The following METAP1D variants were observed in gnomAD, a reference collection of about 807,000 sequenced individuals.
METAP1D encodes methionine aminopeptidase 1D, mitochondrial.
In METAP1D, 31 loss-of-function variants were observed where a neutral mutation model predicts 40.5. The observed-to-expected ratio is 0.77, with a 90% confidence interval of 0.58 to 1.03. The LOEUF is 1.03. Among genes scored for constraint, METAP1D ranks in the 50% least tolerant of loss-of-function variants. METAP1D has a pLI of 0.00. For missense variants in METAP1D, 411 were observed against 420.7 expected (o/e 0.98, Z 0.20); for synonymous variants, 151 against 146.4 (o/e 1.03, Z -0.22).
At chr2:172,072,607 C>T (rs1439961189) in intron 6 of METAP1D, among the ~76,000 whole-genome samples, 3 of 152,088 alleles carry the variant, frequency 2.0e-5, no homozygotes, top group Non-Finnish European at 4.4e-5. Flanking sequence ...TGTTGTTCTC[C>T]CTGTCTCGCT....
chr2:172,034,406 TG>T (rs1271147429), intron 1 of METAP1D, among the ~76,000 whole-genome samples: 57 of 92,128 alleles, frequency 6.2e-4, no homozygotes, highest in African/African-American at 2.0e-3. Context: ...TCTCAGTTTT[TG>T]TGTGTGTGTG....
rs886302539 is a variant in METAP1D, at chr2:172,079,260, T to C, written c.848T>C (p.Ile283Thr). 2 of 1,614,092 alleles carry C rather than the reference T, an allele frequency of 1.2e-6. No individual in the cohort carries two copies. The highest frequency in any genetic ancestry group is 1.7e-6 in the Non-Finnish European group (2 of 1,179,982). ...ATGGAGGAGGGCATGGCATTCACTA[T>C]AGGTAAATTGAGCTCCTCTTCCGAG... ...LPMEEGMAFT[I>T]EPIITEGSPE... Residue 283 changes from isoleucine to threonine, a missense_variant and splice_region_variant, in exon 8 of 10, where the codon ATA becomes ACA. Transcript: ENST00000315796.
intron 1 of METAP1D, among the ~76,000 whole-genome samples, chr2:172,018,597 C>T (rs1688933161): frequency 6.6e-6 from 1 of 152,246 alleles, no homozygotes; most frequent in African/African-American, 2.4e-5. Flanking sequence ...GTAAAACACT[C>T]TCAAGAGAGA....
intron 1 of METAP1D, among the ~76,000 whole-genome samples, chr2:172,042,941 G>GT (rs1689636708): frequency 7.9e-6 from 1 of 126,912 alleles, no homozygotes; most frequent in Admixed American, 7.7e-5. Context: ...GTGTATACAC[G>GT]TATGCGTACC....
At chr2:172,019,941 A>C (rs1246137588) in intron 1 of METAP1D, among the ~76,000 whole-genome samples, 1 of 152,156 alleles carries the variant, frequency 6.6e-6, no homozygotes, top group Non-Finnish European at 1.5e-5. Flanking sequence ...AGACATGGGA[A>C]TCTGCATGTT....
At chr2:172,028,542 C>CTGTGTG (rs10529698) in intron 1 of METAP1D, among the ~76,000 whole-genome samples, 53 of 141,396 alleles carry the variant, frequency 3.7e-4, no homozygotes, top group East Asian at 6.2e-4. Flanking sequence ...GTATGTGTGT[C>CTGTGTG]TGTGTGTGTG....
chr2:172,051,583 T>A (rs1207479461), intron 1 of METAP1D, among the ~76,000 whole-genome samples: 1 of 152,180 alleles, frequency 6.6e-6, no homozygotes, highest in Non-Finnish European at 1.5e-5. Context: ...ACTTCCTGAT[T>A]AGGCCTTGGG....
intron 1 of METAP1D, among the ~76,000 whole-genome samples, chr2:172,059,485 C>G (rs1175698600): frequency 3.3e-5 from 5 of 152,158 alleles, no homozygotes; most frequent in Non-Finnish European, 7.4e-5. Flanking sequence ...TTCACAACTA[C>G]TCAGCTACCA....
intron 6 of METAP1D, 99 bp from the exon 7 acceptor site, chr2:172,077,698 T>C: frequency 1.7e-6 from 1 of 579,062 alleles, no homozygotes; most frequent in Non-Finnish European, 3.1e-6. Context: ...TTACTGACTT[T>C]TTCTTTTTCA....
chr2:172,042,973 G>T (rs587742160), intron 1 of METAP1D, among the ~76,000 whole-genome samples: 1 of 126,852 alleles, frequency 7.9e-6, no homozygotes, highest in Admixed American at 7.9e-5. Context: ...ATGCGTACAT[G>T]TGCATACATA....
chr2:172,065,386 C>T (rs1437552353), intron 3 of METAP1D, among the ~76,000 whole-genome samples: 1 of 152,156 alleles, frequency 6.6e-6, no homozygotes, highest in Non-Finnish European at 1.5e-5. Context: ...ATTTCTATTT[C>T]CTAATGGTCC....
rs1689420579 is a variant in METAP1D, at chr2:172,037,356, T to C, written c.41-24142T>C. ...TACAGAGACTCTTTCTGGTCATCGA[T>C]ATCTACTTGCTAAATTACGTCTTCC... is the stretch of plus-strand genomic sequence containing the variant. On this transcript the variant is annotated intron_variant, in intron 1 of 9. Coordinates refer to ENST00000315796, the MANE Select transcript of METAP1D (RefSeq NM_199227.3). 2.6e-5 allele frequency among the ~76,000 whole-genome samples: 4 copies of C among 152,082 alleles called. No individual in the cohort carries two copies. In the South Asian group the frequency reaches 8.3e-4, roughly 32 times the overall value.
intron 1 of METAP1D, among the ~76,000 whole-genome samples, chr2:172,045,697 ATATGTGTGTGTGTG>A (rs1314101747): frequency 1.5e-5 from 1 of 65,920 alleles, no homozygotes; most frequent in East Asian, 3.2e-4. Flanking sequence ...TCATTCATAT[ATATGTGTGTGTGTG>A]TGTGTGTGTG....
chr2:171,999,960 C>A lies in METAP1D; in HGVS notation c.-10C>A. The A allele has an allele frequency of 7.3e-7, 1 of 1,374,308 alleles. No homozygotes were observed. The highest frequency in any genetic ancestry group is 9.5e-7 in the Non-Finnish European group (1 of 1,055,628). 85.1% of individuals were successfully genotyped at this position (1,374,308 alleles called of 1,614,324 possible). A position where few individuals can be genotyped will look rare whatever the true frequency, so the allele number is the denominator to read the frequency against. On this transcript the variant is annotated 5_prime_UTR_variant, in exon 1 of 10. Transcript: ENST00000315796. ...GAGCGAGTGCTCGCGGCCACGTGAC[C>A]GACGCCAACATGGCGGCGCCCAGTG...
intron 1 of METAP1D, among the ~76,000 whole-genome samples, chr2:172,050,576 C>T (rs989381074): frequency 6.6e-6 from 1 of 151,930 alleles, no homozygotes; most frequent in South Asian, 2.1e-4. Flanking sequence ...CTTCTTTAAC[C>T]AAAGTGTGTG....
intron 1 of METAP1D, among the ~76,000 whole-genome samples, chr2:172,027,387 C>T (rs979578047): frequency 2.6e-5 from 4 of 152,214 alleles, no homozygotes; most frequent in Admixed American, 2.0e-4. Flanking sequence ...CCATTGTGTT[C>T]CAGTTGCTGA....
chr2:172,007,850 C>T (rs1179772583), intron 1 of METAP1D, among the ~76,000 whole-genome samples: 14 of 151,972 alleles, frequency 9.2e-5, no homozygotes, highest in African/African-American at 1.7e-4. Flanking sequence ...CCACGACACC[C>T]GGCTAATTTT....
chr2:172,018,767 G>A lies in METAP1D; in HGVS notation c.40+18758G>A, dbSNP rs116415492. 5.6e-3 allele frequency among the ~76,000 whole-genome samples: 843 copies of A among 149,684 alleles called. 9 individuals are homozygous for A. Among genetic ancestry groups the A allele is most frequent in the Admixed American group, 8.7e-3 (130 of 14,936 alleles). Reference sequence around the variant, plus strand: ...CCCTCACCCCACCGCCACCTGCTGCGGGCTATTACCTTTCTGCCCTCCTAT... The same window carrying A: ...CCCTCACCCCACCGCCACCTGCTGCAGGCTATTACCTTTCTGCCCTCCTAT... On this transcript the variant is annotated intron_variant, in intron 1 of 9. Transcript: ENST00000315796.
chr2:172,063,562 C>A (rs1690181642), intron 2 of METAP1D, 149 bp from the exon 3 acceptor site: 2 of 641,042 alleles, frequency 3.1e-6, no homozygotes, highest in Admixed American at 2.9e-5. Flanking sequence ...GAACTGGGGG[C>A]AGCCTGGAGG....
Sources: gnomAD v4.1 joint callset for allele counts (sites outside exome capture counted in the v4.1 genomes callset) on GRCh38, gnomAD v4.1.1 for gene constraint, MANE v1.5 for transcripts, NCBI Gene and HGNC (gene_info 2026-07-23, HGNC 2026-07-21) for gene names.